Variants in ADGRL2 observed in about 807,000 individuals in gnomAD.
ADGRL2 encodes the protein calcium-independent alpha-latrotoxin receptor 2.
ADGRL2 carries 44 observed loss-of-function variants against 157.4 expected under a neutral mutation model. That is an observed-to-expected ratio of 0.28 (90% CI 0.22 to 0.36). The LOEUF (loss-of-function observed/expected upper bound fraction) is 0.36. ADGRL2 is among the 10% of genes least tolerant of loss of function. ADGRL2 has a pLI of 1.00. For missense variants in ADGRL2, 1,510 were observed against 1,768.9 expected, an observed-to-expected ratio of 0.85 and a Z score of 2.63; for synonymous variants, 585 against 624.7, an observed-to-expected ratio of 0.94 and a Z score of 0.95.
chr1:81,846,349 T>C (rs1375092747), intron 2 of ADGRL2, among the ~76,000 whole-genome samples: 1 of 82,772 alleles, frequency 1.2e-5, no homozygotes, highest in Non-Finnish European at 2.9e-5. Flanking sequence ...TTAATAAAGT[T>C]TATTTTTAAG....
At chr1:81,760,825 T>G (rs1571107954) in intron 1 of ADGRL2, among the ~76,000 whole-genome samples, 2 of 152,022 alleles carry the variant, frequency 1.3e-5, no homozygotes, top group South Asian at 4.1e-4. Context: ...TGTTTAAATT[T>G]TTTTTACATT....
In ADGRL2 at chr1:81,484,257, T is replaced by C. The variant is rs1323304626; in HGVS notation, c.-248+39168T>C. Among the ~76,000 whole-genome samples the C allele has an allele frequency of 2.0e-5, 3 of 152,182 alleles. No individual in the cohort carries two copies. In the East Asian group the frequency reaches 5.8e-4, roughly 29 times the overall value. The stretch of plus-strand genomic sequence containing the variant: ...TAATTCTAATTGTTTAAAGAGTACA[T>C]TCTTAAATCTGAATCTCCTTTCTAG... On this transcript the variant is annotated intron_variant, in intron 2 of 24. Transcript: ENST00000370721.
intron 1 of ADGRL2, among the ~76,000 whole-genome samples, chr1:81,443,369 G>A (rs2077543609): frequency 6.6e-6 from 1 of 151,868 alleles, no homozygotes; most frequent in African/African-American, 2.4e-5. Context: ...TTGCAACCCA[G>A]GAGGCAGAGG....
chr1:81,498,976 G>A (rs564869803), intron 2 of ADGRL2, among the ~76,000 whole-genome samples: 1 of 152,310 alleles, frequency 6.6e-6, no homozygotes, highest in East Asian at 1.9e-4. Flanking sequence ...GAGACACGAA[G>A]TCTTTTAGCT....
intron 2 of ADGRL2, among the ~76,000 whole-genome samples, chr1:81,783,722 G>T (rs536542865): frequency 6.6e-6 from 1 of 152,146 alleles, no homozygotes; most frequent in African/African-American, 2.4e-5. Flanking sequence ...AAAATTCTTT[G>T]CTATAATACA....
At chr1:81,632,761 A>T (rs1366596411) in intron 3 of ADGRL2, among the ~76,000 whole-genome samples, 1 of 151,996 alleles carries the variant, frequency 6.6e-6, no homozygotes, top group Admixed American at 6.6e-5. Flanking sequence ...TCTCAAAAAA[A>T]AAAAAAAAGT....
intron 1 of ADGRL2, among the ~76,000 whole-genome samples, chr1:81,321,959 C>A (rs1044399498): frequency 6.6e-6 from 1 of 151,728 alleles, no homozygotes; most frequent in African/African-American, 2.4e-5. Flanking sequence ...TAGACCACCA[C>A]TCTTACTAAC....
intron 1 of ADGRL2, among the ~76,000 whole-genome samples, chr1:81,818,741 A>C (rs972508625): frequency 6.6e-6 from 1 of 152,330 alleles, no homozygotes; most frequent in Non-Finnish European, 1.5e-5. Flanking sequence ...TTCTTATAAA[A>C]GTCATACTAC....
chr1:81,476,246 T>C (rs550167247), intron 2 of ADGRL2, among the ~76,000 whole-genome samples: 83 of 152,162 alleles, frequency 5.5e-4, no homozygotes, highest in Admixed American at 1.2e-3. Context: ...TACAATCTTT[T>C]GATTAGATCA....
At chr1:81,796,277 C>T (rs1214838538), upstream of ADGRL2, among the ~76,000 whole-genome samples, 5 of 152,128 alleles carry the variant, frequency 3.3e-5, no homozygotes. Context: ...GCGTGAGCCA[C>T]CACACACTGC....
At chr1:81,455,253 G>A (rs1488819671) in intron 2 of ADGRL2, among the ~76,000 whole-genome samples, 3 of 152,154 alleles carry the variant, frequency 2.0e-5, no homozygotes, top group Non-Finnish European at 2.9e-5. Flanking sequence ...CTTCCCTAGA[G>A]TACCTTATTC....
At chr1:81,808,750 C>T (rs1196160513) in intron 1 of ADGRL2, among the ~76,000 whole-genome samples, 1 of 151,910 alleles carries the variant, frequency 6.6e-6, no homozygotes, top group African/African-American at 2.4e-5. Context: ...ATTCTAAATC[C>T]CAAATTCCTG....
At chr1:81,790,839 C>A (rs772941079) in intron 2 of ADGRL2, among the ~76,000 whole-genome samples, 2 of 151,930 alleles carry the variant, frequency 1.3e-5, no homozygotes, top group Admixed American at 6.6e-5. Context: ...AAGTTGGGAG[C>A]CATTTCTAGA....
chr1:81,685,773 G>C (rs973416725), intron 3 of ADGRL2, among the ~76,000 whole-genome samples: 2 of 152,150 alleles, frequency 1.3e-5, no homozygotes, highest in African/African-American at 4.8e-5. Context: ...CTGTGGGTTT[G>C]ACACAGATTG....
intron 2 of ADGRL2, among the ~76,000 whole-genome samples, chr1:81,881,493 C>T (rs2093986727): frequency 6.6e-6 from 1 of 152,088 alleles, no homozygotes; most frequent in African/African-American, 2.4e-5. Flanking sequence ...AAATATTAGT[C>T]CCATGTTCAT....
intron 2 of ADGRL2, among the ~76,000 whole-genome samples, chr1:81,776,442 C>T (rs1007215553): frequency 9.2e-5 from 14 of 152,128 alleles, no homozygotes; most frequent in Non-Finnish European, 1.9e-4. Context: ...CCGCCTCGGC[C>T]TCCCAAAGTG....
At chr1:81,626,257 G>A (rs1405739981) in intron 3 of ADGRL2, among the ~76,000 whole-genome samples, 2 of 152,202 alleles carry the variant, frequency 1.3e-5, no homozygotes, top group African/African-American at 4.8e-5. Flanking sequence ...AAAGATCGTA[G>A]TGTAGCTACC....
chr1:81,835,353 G>A (rs536074719), intron 1 of ADGRL2, among the ~76,000 whole-genome samples: 3 of 152,238 alleles, frequency 2.0e-5, no homozygotes, highest in Admixed American at 2.0e-4. Flanking sequence ...ATAAGAAATT[G>A]TTCATTGATG....
In ADGRL2 at chr1:81,569,491, C is replaced by T. The variant is rs147583631; in HGVS notation, c.-247-11385C>T. Among the ~76,000 whole-genome samples the T allele has an allele frequency of 2.4e-3, 369 of 152,248 alleles. 4 individuals are homozygous for T. Among genetic ancestry groups the T allele is most frequent in the African/African-American group, 8.7e-3 (360 of 41,552 alleles). ...TAGTTTGTTGGTTCTGGCTCAAGGT[C>T]TCTTAGGAGATTGTCGTCAAGATGT... is the stretch of plus-strand genomic sequence containing the variant. On this transcript the variant is annotated intron_variant, in intron 2 of 24. Transcript: ENST00000370721.
Sources: allele counts gnomAD v4.1 joint callset (sites outside exome capture counted in the v4.1 genomes callset), GRCh38; gene constraint gnomAD v4.1.1; transcripts MANE v1.5; gene names NCBI Gene and HGNC (gene_info 2026-07-23, HGNC 2026-07-21).